The following ATF7IP2 variants were observed in gnomAD, a reference collection of about 807,000 sequenced individuals.
ATF7IP2 encodes activating transcription factor 7-interacting protein 2.
A neutral mutation model predicts 64.2 loss-of-function variants in ATF7IP2; 42 were observed. The observed-to-expected ratio is 0.65, with a 90% CI of 0.51 to 0.85. ATF7IP2 has a LOEUF of 0.85. Ranked by LOEUF, ATF7IP2 falls within the 40% of genes least tolerant of loss-of-function variation. ATF7IP2 has a pLI of 0.00. For missense variants in ATF7IP2, 933 were observed against 784.2 expected (o/e 1.19, Z -2.27); for synonymous variants, 308 against 272.8 (o/e 1.13, Z -1.27).
At chr16:10,396,747 C>T (rs1054575121) in intron 1 of ATF7IP2, among the ~76,000 whole-genome samples, 1 of 151,882 alleles carries the variant, frequency 6.6e-6, no homozygotes, top group African/African-American at 2.4e-5. Context: ...CTCCTGGGCT[C>T]AGGTGATGCT....
chr16:10,431,185 G>T lies in ATF7IP2; in HGVS notation c.565G>T (p.Val189Leu), dbSNP rs369166200. 2 of 1,614,168 alleles carry T rather than the reference G, an allele frequency of 1.2e-6. No individual in the cohort carries two copies. Among genetic ancestry groups the T allele is most frequent in the South Asian group, 2.2e-5 (2 of 91,086 alleles). The change falls in exon 5 of 14, where the codon GTG (valine) becomes TTG (leucine). Residue 189 changes from valine (V) to leucine (L), a missense_variant. Val to Leu is a conservative substitution (Grantham distance 32). Transcript: ENST00000562102. Reference sequence around the variant, plus strand: ...GCCAGAGTCTACAGTAACCAGTACCGTGGGTGACAAGAAAACTGACCAGAT... The same window carrying T: ...GCCAGAGTCTACAGTAACCAGTACCTTGGGTGACAAGAAAACTGACCAGAT... ...QMPESTVTST[V>L]GDKKTDQMVF... is the part of the protein sequence containing the mutation.
intron 12 of ATF7IP2, among the ~76,000 whole-genome samples, chr16:10,478,737 A>T (rs1406892865): frequency 6.6e-6 from 1 of 152,212 alleles, no homozygotes; most frequent in Non-Finnish European, 1.5e-5. Flanking sequence ...ATGGGAGAAA[A>T]TTTTCGCAAT....
intron 3 of ATF7IP2, among the ~76,000 whole-genome samples, chr16:10,426,680 C>A (rs993540240): frequency 6.6e-6 from 1 of 152,214 alleles, no homozygotes; most frequent in African/African-American, 2.4e-5. Flanking sequence ...CACTATTTCA[C>A]ACAACATGGA....
intron 13 of ATF7IP2, 60 bp downstream of exon 13, chr16:10,481,024 TG>T (rs2050202937): frequency 1.6e-6 from 2 of 1,262,042 alleles, no homozygotes; most frequent in East Asian, 4.7e-5. Flanking sequence ...GAAGTAGCTA[TG>T]TTACTCTTGA....
intron 8 of ATF7IP2, among the ~76,000 whole-genome samples, chr16:10,444,846 A>T (rs988572344): frequency 6.6e-6 from 1 of 152,202 alleles, no homozygotes; most frequent in African/African-American, 2.4e-5. Flanking sequence ...TATTATTTCA[A>T]ACCTGGGTAC....
intron 4 of ATF7IP2, among the ~76,000 whole-genome samples, chr16:10,429,758 A>ATTTTATTATT (rs1555507628): frequency 7.8e-6 from 1 of 128,624 alleles, no homozygotes; most frequent in East Asian, 2.4e-4. Flanking sequence ...ATTTTATTTT[A>ATTTTATTATT]TTATTTTATT....
Position 10,412,002 on chromosome 16 carries a change from C to CTTTTTTTGGTTTTTTTTTTTTTTTTTT in ATF7IP2, c.-241-2564_-241-2563insGTTTTTTTTTTTTTTTTTTTTTTTTTG, listed in dbSNP as rs1567435060. Among the ~76,000 whole-genome samples the CTTTTTTTGGTTTTTTTTTTTTTTTTTT allele has an allele frequency of 1.5e-4, 2 of 13,412 alleles. 1 individual carries two copies. Among genetic ancestry groups the CTTTTTTTGGTTTTTTTTTTTTTTTTTT allele is most frequent in the Non-Finnish European group, 3.1e-4 (2 of 6,482 alleles). 8.8% of individuals were successfully genotyped at this position (13,412 alleles called of 152,430 possible). ...AGACCCAGCTTTTTGTTTCATTTATCTTTTTTTGTTTTTTTTTTTTTTTTT... is the reference window on the plus strand; with the variant it reads ...AGACCCAGCTTTTTGTTTCATTTATCTTTTTTTGGTTTTTTTTTTTTTTTTTTTTTTTTTGTTTTTTTTTTTTTTTTT... On this transcript the variant is annotated intron_variant, in intron 1 of 13. Transcript: ENST00000562102.
chr16:10,467,067 A>G (rs917251809), intron 9 of ATF7IP2, among the ~76,000 whole-genome samples: 5 of 151,988 alleles, frequency 3.3e-5, no homozygotes, highest in Middle Eastern at 3.4e-3. Context: ...ATAGAGTAGG[A>G]TCTGATTACC....
chr16:10,410,169 G>A (rs545569654), intron 1 of ATF7IP2, among the ~76,000 whole-genome samples: 1 of 152,226 alleles, frequency 6.6e-6, no homozygotes, highest in East Asian at 1.9e-4. Flanking sequence ...TGGCAGTGTG[G>A]TCATTTTCAC....
chr16:10,439,949 G>A (rs1426691895), intron 7 of ATF7IP2, among the ~76,000 whole-genome samples: 13 of 151,560 alleles, frequency 8.6e-5, no homozygotes, highest in Non-Finnish European at 1.8e-4. Flanking sequence ...GGATGCTGGG[G>A]TCAGGAGTTC....
At chr16:10,405,650 C>A (rs1217554423) in intron 1 of ATF7IP2, among the ~76,000 whole-genome samples, 1 of 152,170 alleles carries the variant, frequency 6.6e-6, no homozygotes, top group East Asian at 1.9e-4. Context: ...AACCACCTGA[C>A]CACAGGAATA....
chr16:10,389,176 G>C (rs950361525), intron 1 of ATF7IP2, among the ~76,000 whole-genome samples: 1 of 152,118 alleles, frequency 6.6e-6, no homozygotes, highest in African/African-American at 2.4e-5. Context: ...TGAAGGTTAG[G>C]TTTATAAGAA....
Position 10,473,552 on chromosome 16 carries a change from A to G in ATF7IP2, c.1482+18A>G. 1 of 1,479,238 alleles carries G rather than the reference A, an allele frequency of 6.8e-7. No individual in the cohort carries two copies. The highest frequency in any genetic ancestry group is 9.3e-7 in the Non-Finnish European group (1 of 1,071,076). 91.6% of individuals were successfully genotyped at this position (1,479,238 alleles called of 1,614,324 possible). On this transcript the variant is annotated intron_variant, in intron 11 of 13. Coordinates refer to ENST00000562102, the MANE Select transcript of ATF7IP2 (RefSeq NM_001393719.1). ...AAGTTATGGTGAGTAATAAATATTG[A>G]CTCTGAATATTGTTTATTTAAATAT... is the stretch of plus-strand genomic sequence containing the variant.
At chr16:10,474,098 G>A in intron 12 of ATF7IP2, 109 bp downstream of exon 12, 3 of 704,476 alleles carry the variant, frequency 4.3e-6, no homozygotes. Context: ...GTGTGCCTAT[G>A]TTTATATCTC....
intron 1 of ATF7IP2, among the ~76,000 whole-genome samples, chr16:10,408,293 A>G (rs113006873): frequency 2.2e-4 from 34 of 152,328 alleles, no homozygotes; most frequent in Non-Finnish European, 3.5e-4. Flanking sequence ...TTGTGCTGCT[A>G]TAAATAAGCC....
chr16:10,420,996 C>T (rs1350342114), intron 3 of ATF7IP2, among the ~76,000 whole-genome samples: 1 of 152,134 alleles, frequency 6.6e-6, no homozygotes, highest in East Asian at 1.9e-4. Flanking sequence ...AAAATTGAAA[C>T]AGTTTTGTTT....
At chr16:10,408,411 G>A (rs889850602) in intron 1 of ATF7IP2, among the ~76,000 whole-genome samples, 4 of 152,258 alleles carry the variant, frequency 2.6e-5, no homozygotes, top group East Asian at 1.9e-4. Flanking sequence ...TTAAGGAGTC[G>A]CCACACTGTT....
intron 2 of ATF7IP2, among the ~76,000 whole-genome samples, 187 bp from the exon 3 acceptor site, chr16:10,419,394 A>G (rs941677501): frequency 2.0e-5 from 3 of 152,152 alleles, no homozygotes; most frequent in African/African-American, 7.2e-5. Context: ...TCATTAGTGT[A>G]TACCTCCACT....
At chr16:10,457,691 T>G (rs2049228730) in intron 9 of ATF7IP2, 162 bp downstream of exon 9, 1 of 531,810 alleles carries the variant, frequency 1.9e-6, no homozygotes, top group Non-Finnish European at 2.9e-6. Context: ...TTGTGGGGGT[T>G]TTTTTTTGGT....
Sources: allele counts gnomAD v4.1 joint callset (sites outside exome capture counted in the v4.1 genomes callset), GRCh38; gene constraint gnomAD v4.1.1; transcripts MANE v1.5; gene names NCBI Gene and HGNC (gene_info 2026-07-23, HGNC 2026-07-21).